The following LRCH1 variants were observed in gnomAD, a reference collection of about 807,000 sequenced individuals.
LRCH1 encodes the protein leucine-rich repeat and calponin homology domain-containing protein 1.
Under a neutral mutation model 94.9 loss-of-function variants are expected in LRCH1, and 23 were observed. That is an observed-to-expected ratio of 0.24 (90% CI 0.17 to 0.34). LRCH1 has a LOEUF of 0.34. Ranked by LOEUF, LRCH1 falls within the 10% of genes least tolerant of loss-of-function variation. LRCH1 has a pLI of 1.00. For missense variants in LRCH1, 790 were observed against 945.9 expected, an observed-to-expected ratio of 0.84 and a Z score of 2.16; for synonymous variants, 364 against 354.9, an observed-to-expected ratio of 1.03 and a Z score of -0.29.
At chr13:46,680,869 A>G (rs961479653) in intron 3 of LRCH1, among the ~76,000 whole-genome samples, 10 of 152,202 alleles carry the variant, frequency 6.6e-5, no homozygotes, top group Non-Finnish European at 1.5e-4. Flanking sequence ...AGACTGATGT[A>G]TGGAAACCAG....
At chr13:46,616,610 G>A (rs191170682) in intron 1 of LRCH1, among the ~76,000 whole-genome samples, 68 of 152,318 alleles carry the variant, frequency 4.5e-4, no homozygotes, top group Admixed American at 4.1e-3. Flanking sequence ...ACAATCATTC[G>A]TAAAACACAC....
chr13:46,621,271 A>G (rs888479188), intron 1 of LRCH1, among the ~76,000 whole-genome samples: 1 of 152,186 alleles, frequency 6.6e-6, no homozygotes, highest in Admixed American at 6.5e-5. Context: ...TCATACATCC[A>G]TCTTTCCCAC....
At chr13:46,587,161 A>G (rs929656581) in intron 1 of LRCH1, among the ~76,000 whole-genome samples, 1 of 152,220 alleles carries the variant, frequency 6.6e-6, no homozygotes, top group East Asian at 1.9e-4. Context: ...TACAGACACT[A>G]GTTGTTCAGG....
chr13:46,736,064 T>C (rs1197956098), intron 19 of LRCH1, among the ~76,000 whole-genome samples: 1 of 151,872 alleles, frequency 6.6e-6, no homozygotes, highest in Non-Finnish European at 1.5e-5. Flanking sequence ...CCCAAAGTGC[T>C]AGGATTATAG....
At chr13:46,575,710 G>C (rs1351880481) in intron 1 of LRCH1, among the ~76,000 whole-genome samples, 2 of 152,070 alleles carry the variant, frequency 1.3e-5, no homozygotes, top group African/African-American at 4.8e-5. Flanking sequence ...TGTGCTCATG[G>C]GATGGATTTA....
chr13:46,589,799 C>T (rs1416030095), intron 1 of LRCH1, among the ~76,000 whole-genome samples: 1 of 151,892 alleles, frequency 6.6e-6, no homozygotes, highest in Non-Finnish European at 1.5e-5. Context: ...CAGGGTTTTA[C>T]CACATTGGTT....
At chr13:46,709,256 A>G (rs527410475) in intron 13 of LRCH1, among the ~76,000 whole-genome samples, 1 of 152,334 alleles carries the variant, frequency 6.6e-6, no homozygotes, top group East Asian at 1.9e-4. Flanking sequence ...ATCCTCCTAA[A>G]GTAGGAAACT....
At chr13:46,682,484 G>A (rs1018547652) in intron 4 of LRCH1, among the ~76,000 whole-genome samples, 4 of 152,188 alleles carry the variant, frequency 2.6e-5, no homozygotes, top group East Asian at 1.9e-4. Context: ...AAGCCAGCCC[G>A]TCACAAGGGG....
intron 1 of LRCH1, among the ~76,000 whole-genome samples, chr13:46,582,803 A>G (rs887034618): frequency 3.3e-5 from 5 of 151,230 alleles, no homozygotes; most frequent in African/African-American, 1.2e-4. Flanking sequence ...GCCCAGCCAC[A>G]TATTGCTTTT....
chr13:46,622,202 TCCCCCC>T (rs2050888465), intron 1 of LRCH1, among the ~76,000 whole-genome samples: 1 of 141,352 alleles, frequency 7.1e-6, no homozygotes, highest in Non-Finnish European at 1.6e-5. Flanking sequence ...TTTTTTTTTT[TCCCCCC>T]AAGGCGAGGT....
At chr13:46,599,577 A>G (rs1286671698) in intron 1 of LRCH1, among the ~76,000 whole-genome samples, 1 of 152,194 alleles carries the variant, frequency 6.6e-6, no homozygotes, top group Non-Finnish European at 1.5e-5. Flanking sequence ...AAGAACTATT[A>G]CAATGTCAAG....
chr13:46,596,390 T>TA (rs950931075), intron 1 of LRCH1, among the ~76,000 whole-genome samples: 5 of 152,072 alleles, frequency 3.3e-5, no homozygotes, highest in African/African-American at 9.7e-5. Flanking sequence ...TCCAGGGAGA[T>TA]AAAAAAAATC....
intron 4 of LRCH1, among the ~76,000 whole-genome samples, chr13:46,682,728 C>CA (rs1870393200): frequency 6.6e-6 from 1 of 152,176 alleles, no homozygotes; most frequent in African/African-American, 2.4e-5. Context: ...CCAGTGGTGA[C>CA]AGCAGAACCT....
At chr13:46,643,395 T>C (rs1594309965) in intron 1 of LRCH1, among the ~76,000 whole-genome samples, 1 of 152,238 alleles carries the variant, frequency 6.6e-6, no homozygotes, top group East Asian at 1.9e-4. Context: ...CTCATGTCTT[T>C]AATTCAATTA....
chr13:46,607,393 A>G lies in LRCH1; in HGVS notation c.308-42808A>G, dbSNP rs564743217. On this transcript the variant is annotated intron_variant, in intron 1 of 19. Coordinates refer to ENST00000389797, the MANE Select transcript of LRCH1 (RefSeq NM_001164211.2). Reference sequence around the variant, plus strand: ...TATCTAGAAGAGACCTTTTTTTGTGAGTGGTGAGGTTTAGGCTGAATTTTT... The same window carrying G: ...TATCTAGAAGAGACCTTTTTTTGTGGGTGGTGAGGTTTAGGCTGAATTTTT... 1.6e-4 allele frequency among the ~76,000 whole-genome samples: 24 copies of G among 152,150 alleles called. No homozygotes were observed. In the South Asian group the frequency reaches 4.8e-3, roughly 30 times the overall value.
At chr13:46,568,185 A>G (rs199751996) in intron 1 of LRCH1, among the ~76,000 whole-genome samples, 1 of 152,326 alleles carries the variant, frequency 6.6e-6, no homozygotes, top group East Asian at 1.9e-4. Context: ...TGGGAACATC[A>G]TAAGAGGTGC....
chr13:46,623,052 T>C (rs2050898642), intron 1 of LRCH1, among the ~76,000 whole-genome samples: 1 of 152,132 alleles, frequency 6.6e-6, no homozygotes, highest in African/African-American at 2.4e-5. Flanking sequence ...TTTAGTGTAG[T>C]TAAAAGATGC....
At chr13:46,639,675 C>T (rs1382671102) in intron 1 of LRCH1, among the ~76,000 whole-genome samples, 1 of 152,174 alleles carries the variant, frequency 6.6e-6, no homozygotes, top group Non-Finnish European at 1.5e-5. Context: ...TTGGCCTGCT[C>T]GGCCAGGAAG....
chr13:46,690,988 T>C (rs1439850670), intron 7 of LRCH1, among the ~76,000 whole-genome samples: 1 of 152,212 alleles, frequency 6.6e-6, no homozygotes, highest in Non-Finnish European at 1.5e-5. Flanking sequence ...TTTATCAAGA[T>C]AAACAGGAAA....
Sources: gnomAD v4.1 joint callset for allele counts (sites outside exome capture counted in the v4.1 genomes callset) on GRCh38, gnomAD v4.1.1 for gene constraint, MANE v1.5 for transcripts, NCBI Gene and HGNC (gene_info 2026-07-23, HGNC 2026-07-21) for gene names.